The following ZNF790 variants were observed in gnomAD, a reference collection of about 807,000 sequenced individuals.
ZNF790 encodes zinc finger protein 790.
Under a neutral mutation model 12.1 loss-of-function variants are expected in ZNF790, and 8 were observed. The ratio of observed to expected loss-of-function variants is 0.66; its 90% CI spans 0.39 to 1.19. The LOEUF (loss-of-function observed/expected upper bound fraction) is 1.19, where lower values mean the gene tolerates loss of function less well. ZNF790 is among the 50% of genes most tolerant of loss of function. The probability of loss-of-function intolerance (pLI) is 0.01; values close to 1 mark genes in which losing one functional copy is unlikely to be tolerated. For synonymous variants in ZNF790, 252 were observed against 244.3 expected, an observed-to-expected ratio of 1.03 and a Z score of -0.29; for missense variants, 707 against 752.2, an observed-to-expected ratio of 0.94 and a Z score of 0.70.
At chr19:36,832,954 G>A (rs2071970585) in intron 1 of ZNF790, among the ~76,000 whole-genome samples, 2 of 128,816 alleles carry the variant, frequency 1.6e-5, no homozygotes, top group Admixed American at 8.2e-5. Context: ...GCCAGATTAA[G>A]CAAAAGAATG....
At position 36,817,488 on chromosome 19, in the gene ZNF790, A is replaced by G. The variant is rs200425232; in HGVS notation, c.*945T>C. 1.2e-4 allele frequency: 19 copies of G among 152,182 alleles called. No individual in the cohort carries two copies. In the East Asian group the frequency reaches 2.9e-3, roughly 23 times the overall value. 9.4% of individuals were successfully genotyped at this position (152,182 alleles called of 1,614,324 possible). A position where few individuals can be genotyped will look rare whatever the true frequency, so the allele number is the denominator to read the frequency against. On this transcript the variant is annotated 3_prime_UTR_variant, in exon 5 of 5. Coordinates refer to ENST00000356725, the MANE Select transcript of ZNF790 (RefSeq NM_206894.4). ...TTAACATTCTGATGTTCAGTAAGAC[A>G]TAAATAGAGATGACATATTTGTCTA...
At chr19:36,826,323 C>T (rs1463809747) in intron 1 of ZNF790, among the ~76,000 whole-genome samples, 8 of 151,988 alleles carry the variant, frequency 5.3e-5, no homozygotes, top group African/African-American at 1.7e-4. Flanking sequence ...TGGTGGCTCT[C>T]GCCTGTAATC....
Position 36,819,113 on chromosome 19 carries a change from G to A in ZNF790, c.1231C>T (p.Arg411Ter), listed in dbSNP as rs757054674. ...CTGCCAGTATGAATTCGCTGATGTC[G>A]AGCAAGGTGTGAGCTCCAAATATAG... The part of the protein sequence containing the change: ...KAYIWSSHLA[R>*]HQRIHTGRKP... The change falls in exon 5 of 5, where the codon CGA becomes TGA. Residue 411 changes from arginine (R) to a stop codon, truncating the protein, a stop_gained. Coordinates refer to ENST00000356725, the MANE Select transcript of ZNF790 (RefSeq NM_206894.4). LOFTEE classifies it low-confidence loss of function (END_TRUNC). The A allele has an allele frequency of 7.4e-6, 12 of 1,613,132 alleles. No individual in the cohort carries two copies. Among genetic ancestry groups the A allele is most frequent in the Non-Finnish European group, 7.6e-6 (9 of 1,179,624 alleles).
chr19:36,850,582 T>A (rs2072238453), upstream of ZNF790: 1 of 152,336 alleles, frequency 6.6e-6, no homozygotes, highest in Admixed American at 6.5e-5. Context: ...GAAGTGCTGT[T>A]CGCAGGCTAT....
At chr19:36,834,329 CAAGG>C (rs2072001569) in intron 1 of ZNF790, among the ~76,000 whole-genome samples, 1 of 148,434 alleles carries the variant, frequency 6.7e-6, no homozygotes, top group East Asian at 2.0e-4. Context: ...ACAAAGCTGA[CAAGG>C]GACTCATTCA....
chr19:36,829,670 T>C (rs936577125), intron 1 of ZNF790, among the ~76,000 whole-genome samples: 3 of 152,160 alleles, frequency 2.0e-5, no homozygotes, highest in Non-Finnish European at 1.5e-5. Flanking sequence ...GGGGTTCAAG[T>C]GACTCTCCTG....
chr19:36,830,161 GT>G (rs2071919279), intron 1 of ZNF790, among the ~76,000 whole-genome samples: 1 of 152,098 alleles, frequency 6.6e-6, no homozygotes. Context: ...TAAGTGTGAT[GT>G]TGGCTGTGGG....
At chr19:36,834,624 C>G (rs987057471) in intron 1 of ZNF790, among the ~76,000 whole-genome samples, 5 of 152,192 alleles carry the variant, frequency 3.3e-5, no homozygotes, top group Admixed American at 3.3e-4. Flanking sequence ...GAACTTTTAA[C>G]TGGTTCAGCC....
chr19:36,848,745 TG>T (rs1288840369), intron 1 of ZNF790, among the ~76,000 whole-genome samples: 6 of 151,670 alleles, frequency 4.0e-5, no homozygotes, highest in Non-Finnish European at 4.4e-5. Flanking sequence ...CATACAGAGA[TG>T]GGGGTTGGGG....
intron 3 of ZNF790, 90 bp from the exon 4 acceptor site, chr19:36,823,470 A>G: frequency 7.4e-7 from 1 of 1,353,268 alleles, no homozygotes; most frequent in Non-Finnish European, 1.0e-6. Flanking sequence ...AAGAGAAACA[A>G]TTACAGGCAG....
Position 36,823,763 on chromosome 19 carries a change from C to G in ZNF790, c.37G>C (p.Asp13His). The G allele has an allele frequency of 6.2e-7, 1 of 1,612,876 alleles. No individual in the cohort carries two copies. Among genetic ancestry groups the G allele is most frequent in the African/African-American group, 1.3e-5 (1 of 74,932 alleles). The stretch of plus-strand genomic sequence containing the variant: ...CACTCCCACTCCTCCTGAGAGAAAT[C>G]TACAGCCACATCCCTGAACATCATC... ...HLMMFRDVAV[D>H]FSQEEWECLD... is the part of the protein sequence containing the mutation. Residue 13 changes from aspartate (D) to histidine (H), a missense_variant, in exon 3 of 5, where the codon GAT becomes CAT. Physicochemically the swap from Asp to His is moderately conservative, Grantham distance 81 (BLOSUM62 -1). Transcript: ENST00000356725.
chr19:36,848,736 A>C (rs1371224691), intron 1 of ZNF790, among the ~76,000 whole-genome samples: 1 of 152,282 alleles, frequency 6.6e-6, no homozygotes, highest in South Asian at 2.1e-4. Flanking sequence ...AAGTTCCCCC[A>C]TACAGAGATG....
intron 4 of ZNF790, among the ~76,000 whole-genome samples, chr19:36,820,482 TAGC>T (rs2071643726): frequency 6.6e-6 from 1 of 152,158 alleles, no homozygotes; most frequent in Admixed American, 6.5e-5. Flanking sequence ...TGCTGGGAAA[TAGC>T]AGAATATCAG....
At chr19:36,841,569 G>A (rs1027354660), upstream of ZNF790, among the ~76,000 whole-genome samples, 7 of 151,788 alleles carry the variant, frequency 4.6e-5, no homozygotes, top group African/African-American at 1.5e-4. Context: ...GCAGTGAGCT[G>A]AGATGACACC....
chr19:36,828,966 G>C (rs1186386746), intron 1 of ZNF790, among the ~76,000 whole-genome samples: 1 of 152,180 alleles, frequency 6.6e-6, no homozygotes, highest in Non-Finnish European at 1.5e-5. Flanking sequence ...AAAAACAAAT[G>C]AGGAATATCC....
chr19:36,820,212 A>C, intron 4 of ZNF790, 98 bp from the exon 5 acceptor site: 1 of 1,296,924 alleles, frequency 7.7e-7, no homozygotes, highest in Middle Eastern at 2.5e-4. Flanking sequence ...AAAGCATATG[A>C]GAAGTGAATG....
At chr19:36,826,931 ACAC>A (rs964288293) in intron 1 of ZNF790, among the ~76,000 whole-genome samples, 3 of 150,312 alleles carry the variant, frequency 2.0e-5, no homozygotes, top group African/African-American at 7.3e-5. Flanking sequence ...AAGAAAAGAC[ACAC>A]AATACCTTTA....
At chr19:36,850,380 CCA>C (rs2072235522), upstream of ZNF790, 1 of 152,256 alleles carries the variant, frequency 6.6e-6, no homozygotes, top group African/African-American at 2.4e-5. Context: ...AAAGCTTGCC[CCA>C]GAGGACTTAA....
chr19:36,832,423 T>C (rs1178110601), intron 1 of ZNF790, among the ~76,000 whole-genome samples: 1 of 152,198 alleles, frequency 6.6e-6, no homozygotes, highest in Non-Finnish European at 1.5e-5. Flanking sequence ...TAAAAGACAC[T>C]GTGGCTTCCA....
Sources: gnomAD v4.1 joint callset for allele counts (sites outside exome capture counted in the v4.1 genomes callset) on GRCh38, gnomAD v4.1.1 for gene constraint, MANE v1.5 for transcripts, NCBI Gene and HGNC (gene_info 2026-07-23, HGNC 2026-07-21) for gene names.